Variants in NECTIN3 observed in about 807,000 individuals in gnomAD.
The protein encoded by NECTIN3 is nectin cell adhesion molecule 3, also known as nectin-3.
A neutral mutation model predicts 49.4 loss-of-function variants in NECTIN3; 8 were observed. The ratio of observed to expected loss-of-function variants is 0.16; its 90% CI spans 0.10 to 0.29. The LOEUF is 0.29. Ranked by LOEUF, NECTIN3 falls within the 10% of genes least tolerant of loss-of-function variation. The pLI, the probability that NECTIN3 is intolerant of heterozygous loss-of-function variation, is 1.00. For synonymous variants in NECTIN3, 277 were observed against 241.1 expected, an observed-to-expected ratio of 1.15 and a Z score of -1.38; for missense variants, 581 against 654.6, an observed-to-expected ratio of 0.89 and a Z score of 1.23.
At chr3:111,173,928 C>A (rs2035478488) in intron 7 of NECTIN3, among the ~76,000 whole-genome samples, 1 of 152,114 alleles carries the variant, frequency 6.6e-6, no homozygotes, top group African/African-American at 2.4e-5. Flanking sequence ...TTCCCCTGGG[C>A]TTTGAGAACC....
chr3:111,117,581 C>T (rs1350953260), intron 2 of NECTIN3, among the ~76,000 whole-genome samples: 1 of 151,634 alleles, frequency 6.6e-6, no homozygotes, highest in African/African-American at 2.4e-5. Flanking sequence ...TAATCATATC[C>T]ATGAGAGTAA....
chr3:111,156,303 A>T (rs899220821), intron 7 of NECTIN3, among the ~76,000 whole-genome samples: 3 of 151,944 alleles, frequency 2.0e-5, no homozygotes, highest in African/African-American at 7.3e-5. Flanking sequence ...ATTAGAATTA[A>T]AATTTTTTGT....
At chr3:111,108,507 A>G (rs555237665) in intron 1 of NECTIN3, among the ~76,000 whole-genome samples, 10 of 152,250 alleles carry the variant, frequency 6.6e-5, no homozygotes, top group Admixed American at 3.3e-4. Flanking sequence ...GGTTATTCCA[A>G]TACTACCTGT....
chr3:111,122,607 G>A (rs1432772999), intron 4 of NECTIN3, among the ~76,000 whole-genome samples: 1 of 152,006 alleles, frequency 6.6e-6, no homozygotes, highest in Non-Finnish European at 1.5e-5. Flanking sequence ...TAGTCCAAAC[G>A]AAATTTTAGC....
At position 111,105,712 on chromosome 3, in the gene NECTIN3, A is replaced by T. The variant is rs571345508; in HGVS notation, c.161-6318A>T. On this transcript the variant is annotated intron_variant, in intron 1 of 5. Coordinates refer to ENST00000485303, the MANE Select transcript of NECTIN3 (RefSeq NM_015480.3). The stretch of plus-strand genomic sequence containing the variant: ...TTTCTTGCTTGATTGTACTGGCTAG[A>T]ACCTTCAGTACAATTTTGGATATAA... 2.0e-3 allele frequency among the ~76,000 whole-genome samples: 309 copies of T among 152,270 alleles called. 1 individual carries two copies. The highest frequency in any genetic ancestry group is 7.1e-3 in the African/African-American group (297 of 41,556).
Position 111,192,990 on chromosome 3 carries a change from A to T in NECTIN3, c.63+577A>T, listed in dbSNP as rs72937987. Among the ~76,000 whole-genome samples the T allele has an allele frequency of 0.087, 13,165 of 152,178 alleles. 1,382 individuals carry two copies. The highest frequency in any genetic ancestry group is 0.24 in the African/African-American group (9,807 of 41,470). On this transcript the variant is annotated intron_variant, in intron 1 of 1. Transcript: ENST00000485506. The stretch of plus-strand genomic sequence containing the variant: ...CCCCATTAGTCACAATTTTGTATTT[A>T]GGAGCTACTACTATTCTTATTCAGG...
chr3:111,103,678 T>TA (rs2033033352), intron 1 of NECTIN3, among the ~76,000 whole-genome samples: 2 of 152,222 alleles, frequency 1.3e-5, no homozygotes, highest in African/African-American at 4.8e-5. Flanking sequence ...GGACTTCTGG[T>TA]ATGCTGTTGA....
intron 7 of NECTIN3, among the ~76,000 whole-genome samples, chr3:111,181,029 G>A (rs191047438): frequency 6.9e-4 from 105 of 152,054 alleles, no homozygotes; most frequent in Admixed American, 2.2e-3. Flanking sequence ...ATATGTACAT[G>A]GATGTAACCA....
chr3:111,124,508 G>C (rs1278985703), intron 4 of NECTIN3, among the ~76,000 whole-genome samples: 1 of 152,112 alleles, frequency 6.6e-6, no homozygotes, highest in Non-Finnish European at 1.5e-5. Context: ...TATTTTCATT[G>C]TTATCCTTGT....
chr3:111,103,541 A>T (rs1471976368), intron 1 of NECTIN3, among the ~76,000 whole-genome samples: 1 of 151,804 alleles, frequency 6.6e-6, no homozygotes, highest in African/African-American at 2.4e-5. Context: ...ACCCACAATG[A>T]CTAAATTTTT....
At chr3:111,164,662 T>C (rs1055090807) in intron 7 of NECTIN3, among the ~76,000 whole-genome samples, 1 of 152,222 alleles carries the variant, frequency 6.6e-6, no homozygotes, top group Admixed American at 6.5e-5. Flanking sequence ...TCCTTGGCAT[T>C]CCCTGGCTTA....
At chr3:111,174,850 C>T (rs1034636951) in intron 7 of NECTIN3, among the ~76,000 whole-genome samples, 1 of 152,124 alleles carries the variant, frequency 6.6e-6, no homozygotes, top group Non-Finnish European at 1.5e-5. Flanking sequence ...GCTCAGTGGA[C>T]CCTCTGCCTT....
Position 111,135,956 on chromosome 3 carries a change from G to A in NECTIN3, c.*1741G>A, listed in dbSNP as rs2034560998. The A allele has an allele frequency of 2.1e-6, 2 of 934,938 alleles. No homozygotes were observed. The highest frequency in any genetic ancestry group is 5.5e-4 in the Middle Eastern group (1 of 1,822). 57.9% of individuals were successfully genotyped at this position (934,938 alleles called of 1,614,324 possible). A position where few individuals can be genotyped will look rare whatever the true frequency, so the allele number is the denominator to read the frequency against. On this transcript the variant is annotated 3_prime_UTR_variant, in exon 6 of 6. Coordinates refer to ENST00000485303, the MANE Select transcript of NECTIN3 (RefSeq NM_015480.3). ...AGTTCACTTATATCTTCTTACAAAT[G>A]TCTGGGTTTTAATATGGTTAATCAC...
chr3:111,095,246 A>G (rs564147263), intron 1 of NECTIN3, among the ~76,000 whole-genome samples: 2 of 152,330 alleles, frequency 1.3e-5, no homozygotes, highest in South Asian at 4.1e-4. Context: ...AAAAATCTTC[A>G]TCTTGGAGTC....
intron 7 of NECTIN3, among the ~76,000 whole-genome samples, chr3:111,163,083 G>A (rs146941612): frequency 9.9e-4 from 151 of 152,290 alleles, no homozygotes; most frequent in African/African-American, 3.6e-3. Context: ...GGTGGCTGGG[G>A]CTGTAGTCAT....
upstream of NECTIN3, among the ~76,000 whole-genome samples, chr3:111,192,018 G>A (rs1435358888): frequency 2.0e-5 from 3 of 152,164 alleles, no homozygotes; most frequent in East Asian, 5.8e-4. Flanking sequence ...TTTTAGTAGA[G>A]ATGGAGTTTC....
chr3:111,076,544 TTTGA>T (rs2031214330), intron 1 of NECTIN3, among the ~76,000 whole-genome samples: 1 of 152,140 alleles, frequency 6.6e-6, no homozygotes, highest in Non-Finnish European at 1.5e-5. Flanking sequence ...CTGTCATATG[TTTGA>T]TTACTTCATA....
intron 1 of NECTIN3, among the ~76,000 whole-genome samples, chr3:111,111,665 G>C (rs1576115681): frequency 1.3e-5 from 2 of 152,252 alleles, no homozygotes; most frequent in Non-Finnish European, 2.9e-5. Context: ...CAAAGTGTCA[G>C]CCAGAGCTGG....
At chr3:111,073,201 G>A (rs560062725) in intron 1 of NECTIN3, among the ~76,000 whole-genome samples, 2 of 152,228 alleles carry the variant, frequency 1.3e-5, no homozygotes, top group South Asian at 2.1e-4. Context: ...AAGTAGAGGG[G>A]CAGAACTTAA....
Sources: allele counts gnomAD v4.1 joint callset (sites outside exome capture counted in the v4.1 genomes callset), GRCh38; gene constraint gnomAD v4.1.1; transcripts MANE v1.5; gene names NCBI Gene and HGNC (gene_info 2026-07-23, HGNC 2026-07-21).